VWA5B1: variants seen among roughly 807,000 people sequenced by gnomAD.
VWA5B1 encodes von Willebrand factor A domain containing 5B1.
VWA5B1 carries 115 observed loss-of-function variants against 118.2 expected under a neutral mutation model. The observed-to-expected ratio is 0.97, with a 90% confidence interval of 0.84 to 1.14. The LOEUF is 1.14. VWA5B1 is among the 50% of genes most tolerant of loss of function. VWA5B1 has a pLI of 0.00. For missense variants in VWA5B1, 1,596 were observed against 1,603.8 expected (o/e 1.00, Z 0.08); for synonymous variants, 682 against 658.4 (o/e 1.04, Z -0.55).
chr1:20,344,704 A>G (rs1487508897), intron 16 of VWA5B1, among the ~76,000 whole-genome samples: 1 of 152,136 alleles, frequency 6.6e-6, no homozygotes, highest in African/African-American at 2.4e-5. Flanking sequence ...GAGAACGGTT[A>G]TATCATTTCT....
chr1:20,321,052 G>A (rs1255556422), intron 7 of VWA5B1, among the ~76,000 whole-genome samples: 2 of 143,476 alleles, frequency 1.4e-5, no homozygotes, highest in Non-Finnish European at 3.0e-5. Context: ...GCAAGGAGAG[G>A]GTAGATCACA....
chr1:20,311,458 T>G (rs1447240889), intron 2 of VWA5B1, among the ~76,000 whole-genome samples: 1 of 152,214 alleles, frequency 6.6e-6, no homozygotes, highest in Non-Finnish European at 1.5e-5. Context: ...TATGCTCCTC[T>G]CTGCTGTCCA....
Position 20,313,197 on chromosome 1 carries a change from G to C in VWA5B1, c.292+209G>C, listed in dbSNP as rs1438013876. Among the ~76,000 whole-genome samples the C allele has an allele frequency of 2.6e-5, 4 of 152,240 alleles. No homozygotes were observed. In the East Asian group the frequency reaches 7.7e-4, roughly 29 times the overall value. Reference sequence around the variant, plus strand: ...TCAGCTTCACTGTCTGTAAGACAGAGGTAATTGACTTTCTGTAGTCACCTC... The same window carrying C: ...TCAGCTTCACTGTCTGTAAGACAGACGTAATTGACTTTCTGTAGTCACCTC... On this transcript the variant is annotated intron_variant, in intron 3 of 21. Coordinates refer to ENST00000289815, the MANE Select transcript of VWA5B1 (RefSeq NM_001039500.3).
intron 2 of VWA5B1, among the ~76,000 whole-genome samples, chr1:20,312,547 C>T (rs1476755277): frequency 1.3e-5 from 2 of 152,216 alleles, no homozygotes; most frequent in Admixed American, 1.3e-4. Context: ...ATATGAGGCC[C>T]ACACAAGTCC....
At chr1:20,312,328 A>G (rs1199928584) in intron 2 of VWA5B1, among the ~76,000 whole-genome samples, 1 of 152,180 alleles carries the variant, frequency 6.6e-6, no homozygotes, top group Non-Finnish European at 1.5e-5. Context: ...GATTCTCACT[A>G]CAAACCCTGG....
At chr1:20,332,993 ACC>A in intron 12 of VWA5B1, 42 bp downstream of exon 12, 1 of 1,539,974 alleles carries the variant, frequency 6.5e-7, no homozygotes, top group Non-Finnish European at 8.8e-7. Flanking sequence ...TGGGCCCAGA[ACC>A]CATGCCTACA....
intron 4 of VWA5B1, among the ~76,000 whole-genome samples, chr1:20,315,037 C>A (rs577874852): frequency 2.0e-5 from 3 of 152,136 alleles, no homozygotes; most frequent in African/African-American, 7.2e-5. Context: ...TACTGGAATG[C>A]GTTATTGACT....
At chr1:20,314,714 G>C (rs188232406) in intron 4 of VWA5B1, 122 bp downstream of exon 4, 3 of 1,452,928 alleles carry the variant, frequency 2.1e-6, no homozygotes, top group Non-Finnish European at 2.7e-6. Context: ...TCTGCTCTAC[G>C]ATTGCCACCC....
rs2089990673 is a variant in VWA5B1 at position 20,345,586 on chromosome 1, C to T, written c.2757C>T (p.Pro919=). The T allele has an allele frequency of 5.2e-6, 8 of 1,547,378 alleles. No individual in the cohort carries two copies. The highest frequency in any genetic ancestry group is 7.0e-6 in the Non-Finnish European group (8 of 1,144,878). The change falls in exon 17 of 22, where the codon CCC becomes CCT. Residue 919 remains proline, a synonymous_variant. Transcript: ENST00000289815. ...SRYLPTVVEY[P]NSGAALRMLG... ...ACCTGCCCACCGTGGTGGAGTACCC[C>T]AACTCTGGTAAGGCAGGCGAGCGGC...
intron 8 of VWA5B1, 87 bp downstream of exon 8, chr1:20,323,619 C>T (rs2089290978): frequency 7.9e-7 from 1 of 1,258,080 alleles, no homozygotes; most frequent in African/African-American, 1.6e-5. Flanking sequence ...TCAGCACTTT[C>T]TGTTCCAAGA....
rs1489524437 is a variant in VWA5B1, at chr1:20,354,273, G to A, written c.*10G>A. 1.2e-5 allele frequency: 19 copies of A among 1,520,814 alleles called. No homozygotes were observed. Among genetic ancestry groups the A allele is most frequent in the Admixed American group, 1.2e-4 (6 of 49,998 alleles). 94.2% of individuals were successfully genotyped at this position (1,520,814 alleles called of 1,614,324 possible). A position where few individuals can be genotyped will look rare whatever the true frequency, so the allele number is the denominator to read the frequency against. ...CCCGAATTATGTGTAGTTGAGTGAC[G>A]GGGAGGCTGGGTGGAGGGAAGGGTG... On this transcript the variant is annotated 3_prime_UTR_variant, in exon 22 of 22. Transcript: ENST00000289815.
Position 20,353,841 on chromosome 1 carries a change from T to A in VWA5B1, c.3226T>A (p.Trp1076Arg). 2 of 1,528,996 alleles carry A rather than the reference T, an allele frequency of 1.3e-6. No homozygotes were observed. The highest frequency in any genetic ancestry group is 1.8e-6 in the Non-Finnish European group (2 of 1,135,908). The allele number at this position is 1,528,996 out of a possible 1,614,324, so 94.7% of individuals were successfully genotyped here. The change falls in exon 22 of 22, where the codon TGG (tryptophan) becomes AGG (arginine). Residue 1076 changes from tryptophan (W) to arginine (R), a missense_variant. Coordinates refer to ENST00000289815, the MANE Select transcript of VWA5B1 (RefSeq NM_001039500.3). ...ATHIPMEKLK[W>R]TSPFTCHRVS... Reference sequence around the variant, plus strand: ...GCACATCCCCATGGAGAAGCTCAAGTGGACGTCCCCCTTCACCTGCCATCG... The same window carrying A: ...GCACATCCCCATGGAGAAGCTCAAGAGGACGTCCCCCTTCACCTGCCATCG...
intron 9 of VWA5B1, 40 bp downstream of exon 9, chr1:20,328,040 T>C: frequency 6.5e-7 from 1 of 1,529,568 alleles, no homozygotes; most frequent in Non-Finnish European, 8.9e-7. Context: ...GGGTGGTGCA[T>C]GGTGGGGAGC....
At position 20,336,484 on chromosome 1, in the gene VWA5B1, A is replaced by C. The variant is rs2089721547; in HGVS notation, c.1940A>C (p.His647Pro). Reference protein sequence around the residue: ...RLASGDSTTKHDLNLSQRRRA... With the variant: ...RLASGDSTTKPDLNLSQRRRA... ...GCCAGCGGAGACTCTACCACCAAGCACGGTTCGTCTGCGGCTCTGATGATT... is the reference window on the plus strand; with the variant it reads ...GCCAGCGGAGACTCTACCACCAAGCCCGGTTCGTCTGCGGCTCTGATGATT... Residue 647 changes from histidine (H) to proline (P), a missense_variant and splice_region_variant, in exon 13 of 22, where the codon CAC (histidine) becomes CCC (proline). Physicochemically the swap from His to Pro is moderately conservative, Grantham distance 77. Coordinates refer to ENST00000289815, the MANE Select transcript of VWA5B1 (RefSeq NM_001039500.3). 7.1e-7 allele frequency: 1 copy of C among 1,399,092 alleles called. No homozygotes were observed. The highest frequency in any genetic ancestry group is 1.5e-5 in the African/African-American group (1 of 68,796). 86.7% of individuals were successfully genotyped at this position (1,399,092 alleles called of 1,614,324 possible). A position where few individuals can be genotyped will look rare whatever the true frequency, so the allele number is the denominator to read the frequency against.
In VWA5B1 at chr1:20,345,585, C is replaced by A; in HGVS notation, c.2756C>A (p.Pro919His). 1 of 1,547,594 alleles carries A rather than the reference C, an allele frequency of 6.5e-7. No individual in the cohort carries two copies. The highest frequency in any genetic ancestry group is 8.7e-7 in the Non-Finnish European group (1 of 1,144,960). ...TACCTGCCCACCGTGGTGGAGTACCCCAACTCTGGTAAGGCAGGCGAGCGG... is the reference window on the plus strand; with the variant it reads ...TACCTGCCCACCGTGGTGGAGTACCACAACTCTGGTAAGGCAGGCGAGCGG... ...SRYLPTVVEY[P>H]NSGAALRMLG... The change falls in exon 17 of 22, where the codon CCC becomes CAC. Residue 919 changes from proline (P) to histidine (H), a missense_variant. Transcript: ENST00000289815.
At position 20,314,230 on chromosome 1, in the gene VWA5B1, C is replaced by T. The variant is rs74057852; in HGVS notation, c.293-92C>T. The T allele has an allele frequency of 8.2e-3, 10,984 of 1,345,934 alleles. 697 individuals carry two copies. The African/African-American group carries it at 0.14, about 17-fold the overall frequency. The allele number at this position is 1,345,934 out of a possible 1,614,324, so 83.4% of individuals were successfully genotyped here. ...AGCTGAGCCTTGATTTTCCCATCAGCAAAATGGGCCACTCACACTTACCAC... is the reference window on the plus strand; with the variant it reads ...AGCTGAGCCTTGATTTTCCCATCAGTAAAATGGGCCACTCACACTTACCAC... On this transcript the variant is annotated intron_variant, in intron 3 of 21. Transcript: ENST00000289815.
Position 20,352,153 on chromosome 1 carries a change from G to A in VWA5B1, c.3122G>A (p.Ser1041Asn), listed in dbSNP as rs542100991. 4.9e-4 allele frequency: 766 copies of A among 1,551,322 alleles called. 14 individuals carry two copies. In the South Asian group the frequency reaches 8.2e-3, roughly 17 times the overall value. The stretch of plus-strand genomic sequence containing the variant: ...GTGGAGTCGACCTCCGGGAACCAGA[G>A]CTTCGACTACATACCTCTGGTGAGT... ...KAVESTSGNQ[S>N]FDYIPLVSLQ... The change falls in exon 21 of 22, where the codon AGC becomes AAC. Residue 1041 changes from serine to asparagine, a missense_variant. Coordinates refer to ENST00000289815, the MANE Select transcript of VWA5B1 (RefSeq NM_001039500.3).
At chr1:20,339,230 G>A (rs1201111781) in intron 14 of VWA5B1, 1 of 152,140 alleles carries the variant, frequency 6.6e-6, no homozygotes, top group Non-Finnish European at 1.5e-5. Context: ...ACCAAATTGT[G>A]GTTTCATCCA....
intron 1 of VWA5B1, among the ~76,000 whole-genome samples, chr1:20,299,297 G>T (rs1040652302): frequency 6.6e-6 from 1 of 152,166 alleles, no homozygotes; most frequent in Non-Finnish European, 1.5e-5. Flanking sequence ...AAGAAGAGGG[G>T]CAATACCAAC....
Sources: gnomAD v4.1 joint callset for allele counts (sites outside exome capture counted in the v4.1 genomes callset) on GRCh38, gnomAD v4.1.1 for gene constraint, MANE v1.5 for transcripts, NCBI Gene and HGNC (gene_info 2026-07-23, HGNC 2026-07-21) for gene names.